The following SNTG1 variants were observed in gnomAD, a reference collection of about 807,000 sequenced individuals.
SNTG1 encodes gamma-1-syntrophin.
Under a neutral mutation model 74.7 loss-of-function variants are expected in SNTG1, and 39 were observed. The observed-to-expected ratio is 0.52, with a 90% CI of 0.40 to 0.68. The LOEUF (loss-of-function observed/expected upper bound fraction) is 0.68, where lower values mean the gene tolerates loss of function less well. SNTG1 is among the 30% of genes least tolerant of loss of function. SNTG1 has a pLI of 0.00. For missense variants in SNTG1, 685 were observed against 609.5 expected, an observed-to-expected ratio of 1.12 and a Z score of -1.30; for synonymous variants, 254 against 217.1, an observed-to-expected ratio of 1.17 and a Z score of -1.49.
At chr8:50,218,313 C>T (rs962433902) in intron 2 of SNTG1, among the ~76,000 whole-genome samples, 1 of 150,916 alleles carries the variant, frequency 6.6e-6, no homozygotes, top group Non-Finnish European at 1.5e-5. Context: ...CCAACAACTC[C>T]TCAATCATTG....
intron 13 of SNTG1, among the ~76,000 whole-genome samples, chr8:50,613,059 T>C (rs1362994861): frequency 6.6e-6 from 1 of 152,152 alleles, no homozygotes; most frequent in African/African-American, 2.4e-5. Context: ...CACTTACTAA[T>C]TGAAGAAGAA....
At chr8:50,730,413 T>G (rs987944995) in intron 17 of SNTG1, among the ~76,000 whole-genome samples, 5 of 152,216 alleles carry the variant, frequency 3.3e-5, no homozygotes, top group Non-Finnish European at 5.9e-5. Context: ...AAATTATTTC[T>G]GCTTTTATTA....
intron 1 of SNTG1, among the ~76,000 whole-genome samples, chr8:50,119,701 T>C (rs1465009725): frequency 7.1e-6 from 1 of 141,724 alleles, no homozygotes; most frequent in Non-Finnish European, 1.6e-5. Context: ...AACCCTTGTA[T>C]TGATTCAGTT....
chr8:50,452,647 G>T (rs2093467892), intron 8 of SNTG1, among the ~76,000 whole-genome samples: 1 of 152,124 alleles, frequency 6.6e-6, no homozygotes, highest in Admixed American at 6.6e-5. Context: ...CTGTTATAAA[G>T]GAAAGAAATT....
intron 8 of SNTG1, among the ~76,000 whole-genome samples, chr8:50,452,469 C>A (rs913082741): frequency 6.6e-6 from 1 of 152,144 alleles, no homozygotes; most frequent in Non-Finnish European, 1.5e-5. Flanking sequence ...GGGAGTAAAA[C>A]CAAGTGCATT....
intron 1 of SNTG1, among the ~76,000 whole-genome samples, chr8:49,938,107 A>G (rs943968823): frequency 6.6e-6 from 1 of 152,160 alleles, no homozygotes. Flanking sequence ...ACTCTGTCTT[A>G]TTTTCTGAAA....
At chr8:50,551,791 A>G (rs1406673838) in intron 11 of SNTG1, among the ~76,000 whole-genome samples, 1 of 152,204 alleles carries the variant, frequency 6.6e-6, no homozygotes, top group Admixed American at 6.6e-5. Flanking sequence ...ATATCTAAGC[A>G]CATCCCTTTT....
chr8:50,511,669 A>G lies in SNTG1; in HGVS notation c.466+8789A>G, dbSNP rs186807299. ...GAATTGATCCCTTTACCATTATGTA[A>G]TGGCCTTCTTTGTCTCTTTTCATCT... is the stretch of plus-strand genomic sequence containing the variant. On this transcript the variant is annotated intron_variant, in intron 9 of 18. Transcript: ENST00000642720. 2.2e-3 allele frequency among the ~76,000 whole-genome samples: 341 copies of G among 152,270 alleles called. 2 individuals carry two copies. Among genetic ancestry groups the G allele is most frequent in the African/African-American group, 7.7e-3 (318 of 41,552 alleles).
At chr8:50,467,541 A>C (rs2093618709) in intron 8 of SNTG1, among the ~76,000 whole-genome samples, 1 of 151,546 alleles carries the variant, frequency 6.6e-6, no homozygotes, top group African/African-American at 2.4e-5. Flanking sequence ...TTTCTTGGTG[A>C]GTTTCCTAGC....
intron 2 of SNTG1, among the ~76,000 whole-genome samples, chr8:50,276,923 C>T (rs780391709): frequency 4.0e-5 from 6 of 151,760 alleles, no homozygotes; most frequent in African/African-American, 9.7e-5. Flanking sequence ...CTGCAAGCTC[C>T]GCCTCCCACC....
chr8:50,736,089 C>T (rs772713776), intron 17 of SNTG1, among the ~76,000 whole-genome samples: 2 of 151,970 alleles, frequency 1.3e-5, no homozygotes, highest in Non-Finnish European at 1.5e-5. Flanking sequence ...TTTGTCACCA[C>T]CAGGCCTGCC....
At chr8:50,531,107 C>A (rs1170912737) in intron 10 of SNTG1, among the ~76,000 whole-genome samples, 1 of 152,162 alleles carries the variant, frequency 6.6e-6, no homozygotes, top group Non-Finnish European at 1.5e-5. Flanking sequence ...TGGCATTTTA[C>A]TTCAAAGCAA....
chr8:50,280,643 A>G (rs2130423293), intron 2 of SNTG1, among the ~76,000 whole-genome samples: 1 of 152,326 alleles, frequency 6.6e-6, no homozygotes, highest in Non-Finnish European at 1.5e-5. Context: ...ATAGGTGGAT[A>G]CAAGGATTTT....
intron 13 of SNTG1, among the ~76,000 whole-genome samples, chr8:50,612,586 G>A (rs1472893260): frequency 1.3e-5 from 2 of 152,214 alleles, no homozygotes; most frequent in Non-Finnish European, 2.9e-5. Context: ...GAAGTAGACA[G>A]TAGGCTAGCA....
intron 2 of SNTG1, among the ~76,000 whole-genome samples, chr8:50,293,553 G>T (rs928333999): frequency 1.3e-5 from 2 of 151,950 alleles, no homozygotes; most frequent in African/African-American, 4.8e-5. Context: ...GGGATTACAG[G>T]CATGCACCAA....
rs376252497 is a variant in SNTG1, at chr8:50,402,296, C to A, written c.114C>A (p.Ile38=). Residue 38 remains isoleucine, a synonymous_variant, in exon 4 of 19, where the codon ATC becomes ATA. Transcript: ENST00000642720. ...ACCTAGCCAAAGACATTTTGATGATCCAGGAACAGGATGTGATATGTGTGT... is the reference window on the plus strand; with the variant it reads ...ACCTAGCCAAAGACATTTTGATGATACAGGAACAGGATGTGATATGTGTGT... ...RLHLAKDILM[I]QEQDVICVSG... is the part of the protein sequence containing the mutation. The A allele has an allele frequency of 1.9e-6, 3 of 1,613,630 alleles. No homozygotes were observed. Among genetic ancestry groups the A allele is most frequent in the Non-Finnish European group, 1.7e-6 (2 of 1,179,916 alleles).
At position 50,124,039 on chromosome 8, in the gene SNTG1, A is replaced by G. The variant is rs1348445518; in HGVS notation, c.-102-48522A>G. 2.1e-5 allele frequency among the ~76,000 whole-genome samples: 3 copies of G among 142,708 alleles called. 1 individual carries two copies. The highest frequency in any genetic ancestry group is 5.2e-4 in the South Asian group (2 of 3,856). The allele number at this position is 142,708 out of a possible 152,430, so 93.6% of individuals were successfully genotyped here. The stretch of plus-strand genomic sequence containing the variant: ...TCTGAACTGTGTCTCCCTCAGATTA[A>G]TATGTTAAATTCTTAACTTCCGGTA... On this transcript the variant is annotated intron_variant, in intron 1 of 18. Coordinates refer to ENST00000642720, the MANE Select transcript of SNTG1 (RefSeq NM_018967.5).
intron 2 of SNTG1, among the ~76,000 whole-genome samples, chr8:50,383,380 T>C (rs2092521643): frequency 6.6e-6 from 1 of 151,718 alleles, no homozygotes; most frequent in Non-Finnish European, 1.5e-5. Context: ...AAATCTTATG[T>C]TAGATGATAA....
chr8:50,624,264 C>T (rs2094942450), intron 13 of SNTG1, among the ~76,000 whole-genome samples: 1 of 151,916 alleles, frequency 6.6e-6, no homozygotes, highest in Admixed American at 6.6e-5. Flanking sequence ...CACTAGAATT[C>T]ATGCATTTAC....
Sources: gnomAD v4.1 joint callset for allele counts (sites outside exome capture counted in the v4.1 genomes callset) on GRCh38, gnomAD v4.1.1 for gene constraint, MANE v1.5 for transcripts, NCBI Gene and HGNC (gene_info 2026-07-23, HGNC 2026-07-21) for gene names.